TXNDC16: variants seen among roughly 807,000 people sequenced by gnomAD.
TXNDC16 encodes thioredoxin domain containing 16.
In TXNDC16, 74 loss-of-function variants were observed where a neutral mutation model predicts 85.6. The ratio of observed to expected loss-of-function variants is 0.86; its 90% CI spans 0.72 to 1.05. The LOEUF is 1.05. Among genes scored for constraint, TXNDC16 ranks in the 50% least tolerant of loss-of-function variants. The probability of loss-of-function intolerance (pLI) is 0.00; values close to 1 mark genes in which losing one functional copy is unlikely to be tolerated. For missense variants in TXNDC16, 959 were observed against 947.0 expected (o/e 1.01, Z -0.17); for synonymous variants, 335 against 326.5 (o/e 1.03, Z -0.28).
chr14:52,457,378 G>C (rs752340148), intron 16 of TXNDC16, among the ~76,000 whole-genome samples: 1 of 152,140 alleles, frequency 6.6e-6, no homozygotes, highest in Non-Finnish European at 1.5e-5. Context: ...AATGTCAATT[G>C]ATATAATGCA....
intron 14 of TXNDC16, among the ~76,000 whole-genome samples, chr14:52,472,675 T>A (rs1331135660): frequency 1.3e-5 from 2 of 152,194 alleles, no homozygotes; most frequent in African/African-American, 4.8e-5. Context: ...TAAACCCTTA[T>A]TTCTTCCCAA....
intron 6 of TXNDC16, among the ~76,000 whole-genome samples, chr14:52,535,364 T>C (rs59471236): frequency 0.038 from 5,714 of 152,190 alleles, 333 homozygotes; most frequent in African/African-American, 0.13. Context: ...TCAGGGCCCA[T>C]GGTTGTCAGG....
At chr14:52,498,257 T>C (rs1032334071) in intron 9 of TXNDC16, among the ~76,000 whole-genome samples, 8 of 152,190 alleles carry the variant, frequency 5.3e-5, no homozygotes, top group Non-Finnish European at 1.5e-5. Context: ...ATACCCACTC[T>C]TGACACTTTT....
chr14:52,505,582 T>G (rs1228974956), intron 9 of TXNDC16, among the ~76,000 whole-genome samples: 1 of 152,126 alleles, frequency 6.6e-6, no homozygotes, highest in African/African-American at 2.4e-5. Context: ...AGAGGGAAAT[T>G]TATAGCGCTA....
At chr14:52,548,977 C>T (rs1047648204) in intron 1 of TXNDC16, among the ~76,000 whole-genome samples, 2 of 152,154 alleles carry the variant, frequency 1.3e-5, no homozygotes. Context: ...TACACCTGGT[C>T]TTAGTAACGG....
rs745904136 is a variant in TXNDC16, at chr14:52,432,312, C to T, written c.2470G>A (p.Val824Met). The T allele has an allele frequency of 1.9e-6, 3 of 1,603,298 alleles. No homozygotes were observed. The highest frequency in any genetic ancestry group is 2.2e-5 in the South Asian group (2 of 89,128). Residue 824 changes from valine to methionine, a missense_variant, in exon 21 of 21, where the codon GTG (valine) becomes ATG (methionine). Val to Met is a conservative substitution (Grantham distance 21, BLOSUM62 1). Transcript: ENST00000281741. ...ACCACAGCCCTATAAAATTAGTTCA[C>T]TTTTGAGCATCCTAACTCTTTATCA... Reference protein sequence around the residue: ...RRDKELGCSKVN With the variant: ...RRDKELGCSKMN
intron 16 of TXNDC16, among the ~76,000 whole-genome samples, chr14:52,459,869 T>C (rs558459671): frequency 2.0e-5 from 3 of 152,164 alleles, no homozygotes; most frequent in Non-Finnish European, 4.4e-5. Flanking sequence ...TACCCCTTCA[T>C]GTTAAAAACT....
At chr14:52,493,216 T>TATATATATATACACACACACACAC in intron 9 of TXNDC16, among the ~76,000 whole-genome samples, 6 of 115,942 alleles carry the variant, frequency 5.2e-5, no homozygotes, top group African/African-American at 2.1e-4. Flanking sequence ...TATATATATA[T>TATATATATATACACACACACACAC]ACACACACAC....
At chr14:52,500,496 G>T (rs1482181849) in intron 9 of TXNDC16, among the ~76,000 whole-genome samples, 1 of 152,166 alleles carries the variant, frequency 6.6e-6, no homozygotes, top group Non-Finnish European at 1.5e-5. Flanking sequence ...TGAGTATAGA[G>T]TTTCAGTCGT....
intron 1 of TXNDC16, among the ~76,000 whole-genome samples, chr14:52,546,510 T>C (rs2037944844): frequency 6.6e-6 from 1 of 152,134 alleles, no homozygotes; most frequent in Non-Finnish European, 1.5e-5. Context: ...GCCAATAAAA[T>C]GTGAGCAAAA....
chr14:52,507,605 A>G lies in TXNDC16; in HGVS notation c.756+3635T>C, dbSNP rs1458694020. 3.3e-5 allele frequency among the ~76,000 whole-genome samples: 5 copies of G among 152,352 alleles called. No homozygotes were observed. In the East Asian group the frequency reaches 9.6e-4, roughly 29 times the overall value. Reference sequence around the variant, plus strand: ...AACCAAAAAAGAGCCCACATTGCCAAGTCAATCCTAAGTGAAAAGAACAAA... The same window carrying G: ...AACCAAAAAAGAGCCCACATTGCCAGGTCAATCCTAAGTGAAAAGAACAAA... On this transcript the variant is annotated intron_variant, in intron 9 of 20. Coordinates refer to ENST00000281741, the MANE Select transcript of TXNDC16 (RefSeq NM_020784.3).
intron 8 of TXNDC16, 74 bp downstream of exon 8, chr14:52,514,806 T>G: frequency 9.2e-7 from 1 of 1,088,242 alleles, no homozygotes; most frequent in Middle Eastern, 2.2e-4. Flanking sequence ...ATAATGGAAA[T>G]GCTAAGTAAT....
At chr14:52,502,759 C>T (rs1430980081) in intron 9 of TXNDC16, among the ~76,000 whole-genome samples, 1 of 152,136 alleles carries the variant, frequency 6.6e-6, no homozygotes, top group Admixed American at 6.5e-5. Flanking sequence ...CCGAGCGTGA[C>T]CCGAAGCAGG....
At chr14:52,514,249 G>C (rs760222219) in intron 8 of TXNDC16, among the ~76,000 whole-genome samples, 4 of 152,090 alleles carry the variant, frequency 2.6e-5, no homozygotes, top group Non-Finnish European at 2.9e-5. Context: ...TGTTTCCTGA[G>C]AGGTCAGCAG....
At chr14:52,484,074 AT>A (rs900922829) in intron 12 of TXNDC16, among the ~76,000 whole-genome samples, 1 of 152,102 alleles carries the variant, frequency 6.6e-6, no homozygotes, top group African/African-American at 2.4e-5. Flanking sequence ...AGAATTGTTA[AT>A]TTTTTAGATG....
Position 52,455,469 on chromosome 14 carries a change from A to T in TXNDC16, c.1704-7T>A, listed in dbSNP as rs753424551. ...TGCAGCATATTTGGTTGACCTATGG[A>T]GAAAGGCAGTATTAAAATTCACGAT... On this transcript the variant is annotated splice_region_variant and splice_polypyrimidine_tract_variant and intron_variant, in intron 17 of 20. Coordinates refer to ENST00000281741, the MANE Select transcript of TXNDC16 (RefSeq NM_020784.3). The T allele has an allele frequency of 6.2e-7, 1 of 1,613,098 alleles. No individual in the cohort carries two copies. The highest frequency in any genetic ancestry group is 8.5e-7 in the Non-Finnish European group (1 of 1,179,674).
chr14:52,482,211 G>A lies in TXNDC16; in HGVS notation c.1312+19C>T. ...AGCTTAGAATCAGAATAATAAGCAT[G>A]CATAGCACAGTACACTACCTTTCAG... is the stretch of plus-strand genomic sequence containing the variant. On this transcript the variant is annotated intron_variant, in intron 14 of 20. Coordinates refer to ENST00000281741, the MANE Select transcript of TXNDC16 (RefSeq NM_020784.3). The A allele has an allele frequency of 6.3e-7, 1 of 1,599,940 alleles. No individual in the cohort carries two copies. Among genetic ancestry groups the A allele is most frequent in the Non-Finnish European group, 8.5e-7 (1 of 1,171,974 alleles).
At chr14:52,478,482 C>T (rs866294028) in intron 14 of TXNDC16, among the ~76,000 whole-genome samples, 1 of 151,976 alleles carries the variant, frequency 6.6e-6, no homozygotes, top group Admixed American at 6.6e-5. Context: ...CTATTAGAAA[C>T]GAAATGGGAG....
At chr14:52,491,773 C>T (rs553100982) in intron 9 of TXNDC16, among the ~76,000 whole-genome samples, 1 of 152,190 alleles carries the variant, frequency 6.6e-6, no homozygotes, top group African/African-American at 2.4e-5. Context: ...CCCTCCAGAA[C>T]TCCCAGGAAA....
Sources: gnomAD v4.1 joint callset for allele counts (sites outside exome capture counted in the v4.1 genomes callset) on GRCh38, gnomAD v4.1.1 for gene constraint, MANE v1.5 for transcripts, NCBI Gene and HGNC (gene_info 2026-07-23, HGNC 2026-07-21) for gene names.